Variants in BRAF observed in about 807,000 individuals in gnomAD.
BRAF encodes the protein B-Raf proto-oncogene, serine/threonine kinase, also known as serine/threonine-protein kinase B-raf.
In BRAF, 16 loss-of-function variants were observed where a neutral mutation model predicts 104.6. The observed-to-expected ratio is 0.15, with a 90% CI of 0.10 to 0.23. The LOEUF (loss-of-function observed/expected upper bound fraction) is 0.23, where lower values mean the gene tolerates loss of function less well. Among genes scored for constraint, BRAF ranks in the 10% least tolerant of loss-of-function variants. BRAF has a pLI of 1.00. For missense variants in BRAF, 541 were observed against 937.3 expected, an observed-to-expected ratio of 0.58 and a Z score of 5.52; for synonymous variants, 310 against 341.6, an observed-to-expected ratio of 0.91 and a Z score of 1.02.
chr7:140,909,577 G>A (rs538386076), intron 1 of BRAF, among the ~76,000 whole-genome samples: 171 of 152,202 alleles, frequency 1.1e-3, no homozygotes, highest in African/African-American at 3.9e-3. Flanking sequence ...GCAGACTGAA[G>A]AGTATTTGCG....
chr7:140,747,117 T>G (rs1797417064), intron 17 of BRAF, among the ~76,000 whole-genome samples: 1 of 152,216 alleles, frequency 6.6e-6, no homozygotes, highest in South Asian at 2.1e-4. Context: ...AAAGGATGAA[T>G]GGAGCAATAC....
chr7:140,765,440 T>C (rs1799210560), intron 14 of BRAF, among the ~76,000 whole-genome samples: 1 of 152,082 alleles, frequency 6.6e-6, no homozygotes, highest in South Asian at 2.1e-4. Context: ...AAAGCCAAAA[T>C]GGACAAATGG....
intron 1 of BRAF, among the ~76,000 whole-genome samples, chr7:140,858,977 G>A (rs566123079): frequency 1.3e-5 from 2 of 152,168 alleles, no homozygotes; most frequent in Admixed American, 6.5e-5. Flanking sequence ...TAACAGAAGA[G>A]TTTAGCAAGG....
chr7:140,906,087 C>CAAAAAAAAAAAAAAAAAAAAA (rs61150735), intron 1 of BRAF, among the ~76,000 whole-genome samples: 1 of 44,714 alleles, frequency 2.2e-5, no homozygotes, highest in Non-Finnish European at 4.2e-5. Flanking sequence ...GACTCCGTCT[C>CAAAAAAAAAAAAAAAAAAAAA]AAAAAAAAAA....
chr7:140,801,611 T>C, intron 5 of BRAF, 51 bp from the exon 6 acceptor site: 3 of 1,566,936 alleles, frequency 1.9e-6, no homozygotes, highest in Non-Finnish European at 2.6e-6. Flanking sequence ...GAAAACTTTC[T>C]AGAAACTGAC....
chr7:140,725,107 G>C lies in BRAF; in HGVS notation c.*1387C>G. 2 of 1,043,112 alleles carry C rather than the reference G, an allele frequency of 1.9e-6. No homozygotes were observed. The highest frequency in any genetic ancestry group is 2.3e-6 in the Non-Finnish European group (2 of 865,328). 64.6% of individuals were successfully genotyped at this position (1,043,112 alleles called of 1,614,324 possible). A position where few individuals can be genotyped will look rare whatever the true frequency, so the allele number is the denominator to read the frequency against. On this transcript the variant is annotated 3_prime_UTR_variant, in exon 20 of 20. Transcript: ENST00000644969. ...CTGCCAAATTGCCCAACCTTTTGAA[G>C]ACCAGGCTTGGGAAAAAAGGAAGAA... is the stretch of plus-strand genomic sequence containing the variant.
intron 3 of BRAF, among the ~76,000 whole-genome samples, chr7:140,814,178 A>G (rs1804578697): frequency 2.0e-5 from 3 of 152,236 alleles, no homozygotes; most frequent in Non-Finnish European, 2.9e-5. Context: ...TAAAAAAATA[A>G]AAAAGCATCC....
chr7:140,768,243 C>G (rs1351360979), intron 14 of BRAF, among the ~76,000 whole-genome samples: 1 of 119,684 alleles, frequency 8.4e-6, no homozygotes, highest in Non-Finnish European at 1.7e-5. Flanking sequence ...TTACATATTT[C>G]CTCGTAACAT....
At chr7:140,911,166 C>T (rs1816931355) in intron 1 of BRAF, among the ~76,000 whole-genome samples, 1 of 152,086 alleles carries the variant, frequency 6.6e-6, no homozygotes, top group Admixed American at 6.5e-5. Context: ...TGTTAAGCAA[C>T]GAGAGAATAA....
At chr7:140,744,797 C>T (rs575301176) in intron 17 of BRAF, among the ~76,000 whole-genome samples, 24 of 152,246 alleles carry the variant, frequency 1.6e-4, no homozygotes, top group African/African-American at 5.8e-4. Flanking sequence ...TATAATTTTA[C>T]ATTCTATGTT....
intron 19 of BRAF, chr7:140,733,981 C>T (rs1457801788): frequency 9.7e-7 from 1 of 1,026,332 alleles, no homozygotes; most frequent in East Asian, 6.6e-5. Flanking sequence ...TGCCACTCCT[C>T]AGCAATATTT....
chr7:140,806,918 A>G (rs1429030560), intron 5 of BRAF, among the ~76,000 whole-genome samples: 1 of 152,214 alleles, frequency 6.6e-6, no homozygotes, highest in African/African-American at 2.4e-5. Flanking sequence ...TGGATTAATC[A>G]CCAAGACACA....
intron 2 of BRAF, among the ~76,000 whole-genome samples, chr7:140,837,152 C>A (rs1019448424): frequency 6.6e-6 from 1 of 152,208 alleles, no homozygotes; most frequent in Non-Finnish European, 1.5e-5. Flanking sequence ...ACCTACTGCC[C>A]TTGCTGCATT....
chr7:140,723,450 G>A lies in BRAF; in HGVS notation c.*3044C>T. ...CCCTACTAGATCTCAAATACAATCA[G>A]GGGTGAGATATTCGGGAACCAGAAT... On this transcript the variant is annotated 3_prime_UTR_variant, in exon 20 of 20. Transcript: ENST00000644969. The A allele has an allele frequency of 9.5e-7, 1 of 1,053,984 alleles. No homozygotes were observed. The allele number at this position is 1,053,984 out of a possible 1,614,324, so 65.3% of individuals were successfully genotyped here.
intron 5 of BRAF, among the ~76,000 whole-genome samples, chr7:140,803,863 T>A (rs1307760815): frequency 1.3e-5 from 2 of 152,090 alleles, no homozygotes; most frequent in East Asian, 3.9e-4. Context: ...AGAGCATGGG[T>A]GACTTCTATT....
rs184400353 is a variant in BRAF, at chr7:140,849,726, C to A, written c.240+385G>T. ...GCTCAGGAGGCTGAGGCAGGACAATCGTCTGAAGCTGGGAGGCGGAGGTTG... is the reference window on the plus strand; with the variant it reads ...GCTCAGGAGGCTGAGGCAGGACAATAGTCTGAAGCTGGGAGGCGGAGGTTG... On this transcript the variant is annotated intron_variant, in intron 2 of 19. Coordinates refer to ENST00000644969, the MANE Select transcript of BRAF (RefSeq NM_001374258.1). Among the ~76,000 whole-genome samples, 1,020 of 151,962 alleles carry A rather than the reference C, an allele frequency of 6.7e-3. 3 individuals are homozygous for A. The highest frequency in any genetic ancestry group is 0.027 in the Middle Eastern group (8 of 294).
Position 140,720,123 on chromosome 7 carries a change from T to C in BRAF, c.*6371A>G. 1 of 1,060,894 alleles carries C rather than the reference T, an allele frequency of 9.4e-7. No homozygotes were observed. The highest frequency in any genetic ancestry group is 1.1e-6 in the Non-Finnish European group (1 of 876,562). The allele number at this position is 1,060,894 out of a possible 1,614,324, so 65.7% of individuals were successfully genotyped here. On this transcript the variant is annotated 3_prime_UTR_variant, in exon 20 of 20. Transcript: ENST00000644969. ...TTCAGAGACACATGTTGATGAATGA[T>C]CAAATTCAATCCCCTGATCAGTTGT...
At chr7:140,888,008 G>A (rs1369987587) in intron 1 of BRAF, among the ~76,000 whole-genome samples, 1 of 152,098 alleles carries the variant, frequency 6.6e-6, no homozygotes, top group Non-Finnish European at 1.5e-5. Flanking sequence ...AAGTAGCTGG[G>A]ACTACAGGCA....
At chr7:140,921,713 T>C (rs899877030) in intron 1 of BRAF, among the ~76,000 whole-genome samples, 3 of 152,018 alleles carry the variant, frequency 2.0e-5, no homozygotes, top group South Asian at 2.1e-4. Flanking sequence ...TTTGTACTTA[T>C]AGTTTTCTAA....
Sources: gnomAD v4.1 joint callset for allele counts (sites outside exome capture counted in the v4.1 genomes callset) on GRCh38, gnomAD v4.1.1 for gene constraint, MANE v1.5 for transcripts, NCBI Gene and HGNC (gene_info 2026-07-23, HGNC 2026-07-21) for gene names.